Variants in ITPR2 observed in about 807,000 individuals in gnomAD.
ITPR2 encodes the protein inositol 1,4,5-trisphosphate-gated calcium channel ITPR2.
ITPR2 carries 207 observed loss-of-function variants against 317.1 expected under a neutral mutation model. The ratio of observed to expected loss-of-function variants is 0.65; its 90% CI spans 0.58 to 0.73. ITPR2 has a LOEUF of 0.73. Among genes scored for constraint, ITPR2 ranks in the 30% least tolerant of loss-of-function variants. The pLI is 0.00. For synonymous variants in ITPR2, 1,156 were observed against 1,149.1 expected (o/e 1.01, Z -0.12); for missense variants, 2,613 against 3,284.0 (o/e 0.80, Z 4.99).
intron 37 of ITPR2, among the ~76,000 whole-genome samples, chr12:26,521,633 A>G (rs1265792017): frequency 6.6e-6 from 1 of 152,156 alleles, no homozygotes; most frequent in Non-Finnish European, 1.5e-5. Flanking sequence ...AAACAAGACG[A>G]TCTTCGTAAA....
At chr12:26,768,449 TAAAAAATA>T (rs1949770473) in intron 2 of ITPR2, among the ~76,000 whole-genome samples, 1 of 43,988 alleles carries the variant, frequency 2.3e-5, no homozygotes, top group African/African-American at 6.9e-5. Context: ...AAATAAAAAA[TAAAAAATA>T]AAAAAATAAA....
At chr12:26,443,682 C>T (rs2136740533) in intron 45 of ITPR2, 32 bp from the exon 46 acceptor site, 1 of 1,562,220 alleles carries the variant, frequency 6.4e-7, no homozygotes, top group Non-Finnish European at 8.8e-7. Context: ...GGTTTTAGGT[C>T]TTCTTTTCCC....
At chr12:26,341,096 T>C (rs1938097844) in intron 55 of ITPR2, among the ~76,000 whole-genome samples, 1 of 152,200 alleles carries the variant, frequency 6.6e-6, no homozygotes, top group Non-Finnish European at 1.5e-5. Context: ...GCATTACTTA[T>C]ATGACATTTT....
intron 51 of ITPR2, among the ~76,000 whole-genome samples, chr12:26,412,156 G>A (rs1306311668): frequency 4.6e-5 from 7 of 152,150 alleles, no homozygotes; most frequent in African/African-American, 1.7e-4. Context: ...ACAAGGGTAG[G>A]TCCAGTTGTA....
intron 10 of ITPR2, among the ~76,000 whole-genome samples, chr12:26,691,741 T>C (rs1948244491): frequency 6.6e-6 from 1 of 151,946 alleles, no homozygotes; most frequent in African/African-American, 2.4e-5. Flanking sequence ...AGCACAGACA[T>C]CACGTTGCAA....
intron 15 of ITPR2, among the ~76,000 whole-genome samples, chr12:26,659,963 C>T (rs1947459598): frequency 6.6e-6 from 1 of 152,160 alleles, no homozygotes; most frequent in African/African-American, 2.4e-5. Flanking sequence ...TGATTAATCA[C>T]TTTATTGATT....
At chr12:26,774,394 T>G (rs1430108501) in intron 2 of ITPR2, among the ~76,000 whole-genome samples, 1 of 152,186 alleles carries the variant, frequency 6.6e-6, no homozygotes, top group Non-Finnish European at 1.5e-5. Context: ...ATTCCAGCAC[T>G]TTGGAAGGCT....
At chr12:26,504,807 T>C (rs1317547519) in intron 37 of ITPR2, among the ~76,000 whole-genome samples, 1 of 152,158 alleles carries the variant, frequency 6.6e-6, no homozygotes, top group East Asian at 1.9e-4. Context: ...TCACCTGGAA[T>C]CAACCCAAAT....
intron 42 of ITPR2, among the ~76,000 whole-genome samples, chr12:26,481,768 G>A (rs1223363364): frequency 6.6e-6 from 1 of 152,200 alleles, no homozygotes; most frequent in East Asian, 1.9e-4. Flanking sequence ...TGGAAGTGAA[G>A]ACAAGTAATA....
At chr12:26,733,282 C>G (rs1404118065) in intron 2 of ITPR2, among the ~76,000 whole-genome samples, 5 of 147,948 alleles carry the variant, frequency 3.4e-5, no homozygotes, top group African/African-American at 1.2e-4. Context: ...CCACTGCACT[C>G]CAGCCTAGGT....
At chr12:26,630,180 A>T (rs1344048177) in intron 22 of ITPR2, among the ~76,000 whole-genome samples, 1 of 152,238 alleles carries the variant, frequency 6.6e-6, no homozygotes, top group East Asian at 1.9e-4. Context: ...AAAGTAAAGG[A>T]TAAATCATAA....
intron 21 of ITPR2, among the ~76,000 whole-genome samples, chr12:26,644,182 A>T (rs1810800834): frequency 6.6e-6 from 1 of 152,110 alleles, no homozygotes; most frequent in South Asian, 2.1e-4. Context: ...AGGGGGTGCC[A>T]CCTCACATCA....
At chr12:26,629,778 C>T (rs1946707599) in intron 22 of ITPR2, among the ~76,000 whole-genome samples, 1 of 151,988 alleles carries the variant, frequency 6.6e-6, no homozygotes, top group African/African-American at 2.4e-5. Context: ...CCGACCCACC[C>T]AGCCTTTGCT....
At chr12:26,643,069 G>A (rs189258513) in intron 21 of ITPR2, among the ~76,000 whole-genome samples, 6 of 152,216 alleles carry the variant, frequency 3.9e-5, no homozygotes, top group African/African-American at 9.6e-5. Context: ...GGGCTCTTTC[G>A]AAAGATGCCC....
intron 6 of ITPR2, 24 bp downstream of exon 6, chr12:26,716,120 C>A: frequency 6.9e-7 from 1 of 1,453,920 alleles, no homozygotes; most frequent in Non-Finnish European, 9.6e-7. Context: ...TGAACACATT[C>A]ATTCCTTTTC....
chr12:26,726,128 A>C, intron 2 of ITPR2: 1 of 177,810 alleles, frequency 5.6e-6, no homozygotes, highest in Non-Finnish European at 1.2e-5. Context: ...GCCTTATCTG[A>C]CTTTGCACAA....
At chr12:26,691,133 A>T (rs1280214884) in intron 10 of ITPR2, among the ~76,000 whole-genome samples, 2 of 152,056 alleles carry the variant, frequency 1.3e-5, no homozygotes, top group Non-Finnish European at 2.9e-5. Flanking sequence ...CTTCAAGCCC[A>T]CTCCTTGGAA....
intron 2 of ITPR2, among the ~76,000 whole-genome samples, chr12:26,757,558 T>C (rs938759534): frequency 2.2e-4 from 34 of 152,184 alleles, no homozygotes; most frequent in Non-Finnish European, 3.8e-4. Flanking sequence ...CACTTTACTC[T>C]ATGGGCTCAC....
intron 13 of ITPR2, among the ~76,000 whole-genome samples, chr12:26,676,332 C>T (rs1947906311): frequency 6.6e-6 from 1 of 151,574 alleles, no homozygotes; most frequent in South Asian, 2.1e-4. Flanking sequence ...CAAAAATTAG[C>T]CAGATGTGGT....
Sources: gnomAD v4.1 joint callset for allele counts (sites outside exome capture counted in the v4.1 genomes callset) on GRCh38, gnomAD v4.1.1 for gene constraint, MANE v1.5 for transcripts, NCBI Gene and HGNC (gene_info 2026-07-23, HGNC 2026-07-21) for gene names.